The following GNAI1 variants were observed in gnomAD, a reference collection of about 807,000 sequenced individuals.
GNAI1 encodes guanine nucleotide-binding protein G(i) subunit alpha-1.
In GNAI1, 11 loss-of-function variants were observed where a neutral mutation model predicts 38.9. The ratio of observed to expected loss-of-function variants is 0.28; its 90% confidence interval spans 0.18 to 0.47. GNAI1 has a LOEUF of 0.47. Among genes scored for constraint, GNAI1 ranks in the 20% least tolerant of loss-of-function variants. The pLI is 0.99. For synonymous variants in GNAI1, 166 were observed against 145.1 expected (o/e 1.14, Z -1.04); for missense variants, 317 against 436.9 (o/e 0.73, Z 2.45).
chr7:80,200,733 C>G (rs1479751294), intron 4 of GNAI1, among the ~76,000 whole-genome samples: 1 of 151,980 alleles, frequency 6.6e-6, no homozygotes, highest in African/African-American at 2.4e-5. Context: ...TCTTTATAAC[C>G]CTGTATTTCA....
intron 1 of GNAI1, among the ~76,000 whole-genome samples, chr7:80,159,533 G>A (rs760288022): frequency 3.3e-5 from 5 of 152,142 alleles, no homozygotes; most frequent in African/African-American, 1.2e-4. Flanking sequence ...GGTACAACAT[G>A]TTTCAATACA....
chr7:80,194,193 G>A (rs1259425436), intron 3 of GNAI1, among the ~76,000 whole-genome samples: 1 of 152,092 alleles, frequency 6.6e-6, no homozygotes, highest in Non-Finnish European at 1.5e-5. Context: ...CTAATTTGTT[G>A]TTAGTAAATC....
intron 5 of GNAI1, among the ~76,000 whole-genome samples, chr7:80,210,139 G>T (rs1357406544): frequency 6.6e-6 from 1 of 152,086 alleles, no homozygotes; most frequent in Non-Finnish European, 1.5e-5. Context: ...TATATAAGTG[G>T]TTATTTCTAG....
At chr7:80,208,618 GTTCT>G (rs1239856999) in intron 5 of GNAI1, among the ~76,000 whole-genome samples, 1 of 152,146 alleles carries the variant, frequency 6.6e-6, no homozygotes, top group Non-Finnish European at 1.5e-5. Context: ...TAGACTCTGA[GTTCT>G]TTGTTTATGA....
chr7:80,140,556 G>T (rs991523394), intron 1 of GNAI1, among the ~76,000 whole-genome samples: 6 of 152,054 alleles, frequency 3.9e-5, no homozygotes, highest in African/African-American at 1.4e-4. Context: ...CACATGTTCT[G>T]GCATGCAGTT....
At chr7:80,154,821 G>T (rs576138898) in intron 1 of GNAI1, among the ~76,000 whole-genome samples, 2 of 152,100 alleles carry the variant, frequency 1.3e-5, no homozygotes, top group East Asian at 1.9e-4. Context: ...TGGAGCTTTG[G>T]GCTCAGCAAT....
At chr7:80,184,543 A>C (rs1788357770) in intron 1 of GNAI1, among the ~76,000 whole-genome samples, 1 of 152,086 alleles carries the variant, frequency 6.6e-6, no homozygotes, top group Non-Finnish European at 1.5e-5. Context: ...GTTAAACTCC[A>C]CCATTTTGCC....
intron 1 of GNAI1, among the ~76,000 whole-genome samples, chr7:80,153,740 C>T (rs149693256): frequency 0.012 from 1,834 of 152,180 alleles, 17 homozygotes; most frequent in East Asian, 0.045. Context: ...TTAGGTAACA[C>T]AAAGTGGTAT....
chr7:80,212,997 AT>A, intron 7 of GNAI1, 128 bp downstream of exon 7: 1 of 604,546 alleles, frequency 1.7e-6, no homozygotes, highest in Non-Finnish European at 2.8e-6. Flanking sequence ...AAGGGGTATT[AT>A]TTATCAAACT....
intron 1 of GNAI1, among the ~76,000 whole-genome samples, chr7:80,161,762 A>AT (rs1163808080): frequency 7.9e-5 from 12 of 151,892 alleles, no homozygotes; most frequent in East Asian, 1.9e-4. Flanking sequence ...GTCCAAAGAG[A>AT]TTTTTTTTAG....
At chr7:80,194,352 T>C (rs1193666111) in intron 3 of GNAI1, among the ~76,000 whole-genome samples, 1 of 152,168 alleles carries the variant, frequency 6.6e-6, no homozygotes, top group East Asian at 1.9e-4. Flanking sequence ...TGTTTGCTTG[T>C]TTATATGTGT....
At chr7:80,179,615 T>C (rs1788255136) in intron 1 of GNAI1, among the ~76,000 whole-genome samples, 1 of 152,198 alleles carries the variant, frequency 6.6e-6, no homozygotes, top group South Asian at 2.1e-4. Context: ...AATTATTCAG[T>C]GTCTGAGACT....
chr7:80,140,504 G>T (rs2116069281), intron 1 of GNAI1, among the ~76,000 whole-genome samples: 2 of 152,290 alleles, frequency 1.3e-5, no homozygotes, highest in Admixed American at 1.3e-4. Context: ...CACACAGGAA[G>T]ACCTGAGTGT....
chr7:80,190,258 A>G (rs1244259643), intron 3 of GNAI1, among the ~76,000 whole-genome samples: 1 of 152,062 alleles, frequency 6.6e-6, no homozygotes, highest in Non-Finnish European at 1.5e-5. Context: ...AGTTTTTAAA[A>G]TGTTACTTTA....
At chr7:80,198,426 G>A (rs892030263) in intron 3 of GNAI1, among the ~76,000 whole-genome samples, 2 of 152,084 alleles carry the variant, frequency 1.3e-5, no homozygotes, top group Admixed American at 1.3e-4. Context: ...TCCACACACT[G>A]ATTTAGAGTG....
chr7:80,167,471 C>G (rs1368146898), intron 1 of GNAI1, among the ~76,000 whole-genome samples: 1 of 152,170 alleles, frequency 6.6e-6, no homozygotes, highest in Admixed American at 6.5e-5. Context: ...CCGATGCTCA[C>G]TTTTGTAATA....
At position 80,135,840 on chromosome 7, in the gene GNAI1, C is replaced by G. The variant is rs879894901; in HGVS notation, c.118+562C>G. ...TTCCTATGGCGACTCCTTAAGTGGT[C>G]AAGGAGCGCTGATTACATTCCCCCT... On this transcript the variant is annotated intron_variant, in intron 1 of 7. Coordinates refer to ENST00000649796, the MANE Select transcript of GNAI1 (RefSeq NM_002069.6). 4.1e-6 allele frequency: 4 copies of G among 984,708 alleles called. No homozygotes were observed. The African/African-American group carries it at 5.2e-5, about 13-fold the overall frequency. 61.0% of individuals were successfully genotyped at this position (984,708 alleles called of 1,614,324 possible). A position where few individuals can be genotyped will look rare whatever the true frequency, so the allele number is the denominator to read the frequency against.
intron 1 of GNAI1, among the ~76,000 whole-genome samples, chr7:80,143,968 A>G (rs1030511659): frequency 2.6e-4 from 39 of 151,504 alleles, no homozygotes; most frequent in Non-Finnish European, 2.5e-4. Context: ...GTGTGTGTGT[A>G]TATATATAGT....
chr7:80,169,805 T>G (rs770888569), intron 1 of GNAI1, among the ~76,000 whole-genome samples: 2 of 152,218 alleles, frequency 1.3e-5, no homozygotes, highest in African/African-American at 2.4e-5. Flanking sequence ...ACCAAAAATT[T>G]CATGACCTTT....
Sources: gnomAD v4.1 joint callset for allele counts (sites outside exome capture counted in the v4.1 genomes callset) on GRCh38, gnomAD v4.1.1 for gene constraint, MANE v1.5 for transcripts, NCBI Gene and HGNC (gene_info 2026-07-23, HGNC 2026-07-21) for gene names.